RPS6KA6: variants seen among roughly 807,000 people sequenced by gnomAD.
The protein encoded by RPS6KA6 is ribosomal protein S6 kinase A6.
In RPS6KA6, 27 loss-of-function variants were observed where a neutral mutation model predicts 65.4. The ratio of observed to expected loss-of-function variants is 0.41; its 90% CI spans 0.30 to 0.57. The LOEUF is 0.57. Among genes scored for constraint, RPS6KA6 ranks in the 20% least tolerant of loss-of-function variants. The probability of loss-of-function intolerance (pLI) is 0.24; values close to 1 mark genes in which losing one functional copy is unlikely to be tolerated. For missense variants in RPS6KA6, 486 were observed against 555.6 expected, an observed-to-expected ratio of 0.87 and a Z score of 1.26; for synonymous variants, 190 against 184.2, an observed-to-expected ratio of 1.03 and a Z score of -0.26.
At chrX:84,161,102 C>T (rs1430436194) in intron 2 of RPS6KA6, among the ~76,000 whole-genome samples, 1 of 111,226 alleles carries the variant, frequency 9.0e-6, no homozygotes, top group African/African-American at 3.3e-5. Context: ...CACAAAACAT[C>T]CATAAAAATT....
In RPS6KA6 at chrX:84,164,354, C is replaced by G; in HGVS notation, c.115G>C (p.Glu39Gln). 1 of 1,198,924 alleles carries G rather than the reference C, an allele frequency of 8.3e-7. No homozygotes were observed. ...NGLKMVDEPM[E>Q]EGEADSCHDE... ...TGACAAGAATCTGCTTCTCCCTCTT[C>G]CATTGGCTCATCAACCATTTTAAGA... The change falls in exon 2 of 22, where the codon GAA (glutamate) becomes CAA (glutamine). Residue 39 changes from glutamate to glutamine, a missense_variant. Glu to Gln is a conservative substitution (Grantham distance 29). Coordinates refer to ENST00000262752, the MANE Select transcript of RPS6KA6 (RefSeq NM_014496.5).
chrX:84,185,463 C>T (rs1328833526), intron 1 of RPS6KA6, among the ~76,000 whole-genome samples: 2 of 111,643 alleles, frequency 1.8e-5, no homozygotes, highest in Non-Finnish European at 3.8e-5. Context: ...TATAAGTACC[C>T]TTAATAAGTT....
intron 4 of RPS6KA6, among the ~76,000 whole-genome samples, chrX:84,147,766 G>T (rs1048043473): frequency 1.8e-5 from 2 of 111,809 alleles, no homozygotes; most frequent in Non-Finnish European, 3.8e-5. Context: ...CAAGAATCTT[G>T]AAAGAAGAGA....
At chrX:84,164,093 T>C (rs1371102748) in intron 2 of RPS6KA6, among the ~76,000 whole-genome samples, 1 of 112,184 alleles carries the variant, frequency 8.9e-6, no homozygotes, top group Non-Finnish European at 1.9e-5. Context: ...GTGAATTCAA[T>C]AGCATGTAAA....
intron 9 of RPS6KA6, 45 bp downstream of exon 9, chrX:84,119,840 T>G (rs1034475503): frequency 9.7e-7 from 1 of 1,032,525 alleles, no homozygotes; most frequent in East Asian, 3.3e-5. Flanking sequence ...TTATAAGTAA[T>G]ATCAATCACA....
intron 6 of RPS6KA6, among the ~76,000 whole-genome samples, chrX:84,136,274 A>C (rs1165570649): frequency 9.0e-6 from 1 of 111,490 alleles, no homozygotes; most frequent in African/African-American, 3.2e-5. Context: ...AAGAAGGCTC[A>C]AAATTGCATA....
chrX:84,126,886 C>A (rs886377002), intron 8 of RPS6KA6, among the ~76,000 whole-genome samples: 1 of 108,308 alleles, frequency 9.2e-6, no homozygotes, highest in African/African-American at 3.3e-5. Context: ...GTGCTTACAT[C>A]AAAAAAAAAT....
intron 8 of RPS6KA6, among the ~76,000 whole-genome samples, chrX:84,127,939 T>G (rs2034826118): frequency 9.0e-6 from 1 of 111,574 alleles, no homozygotes; most frequent in Admixed American, 9.5e-5. Flanking sequence ...CTTTCACTAC[T>G]GTTAATCAAC....
intron 6 of RPS6KA6, among the ~76,000 whole-genome samples, chrX:84,136,918 G>A (rs1473584491): frequency 9.0e-5 from 10 of 111,597 alleles, no homozygotes; most frequent in Non-Finnish European, 1.9e-5. Flanking sequence ...CATGAACTCA[G>A]GGATACTTGT....
intron 8 of RPS6KA6, among the ~76,000 whole-genome samples, chrX:84,126,012 A>G (rs1172816652): frequency 9.0e-6 from 1 of 111,678 alleles, no homozygotes; most frequent in Non-Finnish European, 1.9e-5. Context: ...TTTATTAATA[A>G]TAACATTTTA....
At chrX:84,155,985 C>T (rs758792020) in intron 3 of RPS6KA6, 90 bp downstream of exon 3, 100 of 499,201 alleles carry the variant, frequency 2.0e-4, no homozygotes, top group Admixed American at 1.4e-3. Context: ...AGTTTAGAAA[C>T]GACTCATTAA....
intron 6 of RPS6KA6, among the ~76,000 whole-genome samples, chrX:84,140,221 T>C (rs756376282): frequency 1.8e-4 from 20 of 111,143 alleles, no homozygotes; most frequent in Middle Eastern, 9.2e-3. Context: ...TCATAATTCA[T>C]AGGACATCAG....
At chrX:84,075,911 A>T (rs928021536) in intron 20 of RPS6KA6, among the ~76,000 whole-genome samples, 1 of 112,320 alleles carries the variant, frequency 8.9e-6, no homozygotes, top group East Asian at 2.8e-4. Context: ...GTCAAAATAC[A>T]TGAAGCAAAA....
intron 2 of RPS6KA6, among the ~76,000 whole-genome samples, chrX:84,159,381 T>C (rs1336360446): frequency 9.0e-6 from 1 of 111,207 alleles, no homozygotes; most frequent in Admixed American, 9.6e-5. Context: ...AGCAGCAATC[T>C]AGCCTGAAAT....
intron 4 of RPS6KA6, among the ~76,000 whole-genome samples, chrX:84,147,537 G>C (rs1368976615): frequency 9.0e-6 from 1 of 111,251 alleles, no homozygotes; most frequent in East Asian, 2.8e-4. Context: ...GAACTCCTGG[G>C]CTGGGCTCAA....
At chrX:84,145,417 C>T (rs1256063225) in intron 6 of RPS6KA6, 61 bp downstream of exon 6, 61 of 726,449 alleles carry the variant, frequency 8.4e-5, no homozygotes, top group Non-Finnish European at 1.2e-4. Flanking sequence ...AGCAGAAGAA[C>T]AAAAGTGATT....
intron 6 of RPS6KA6, among the ~76,000 whole-genome samples, chrX:84,138,149 C>T (rs1825668502): frequency 8.9e-6 from 1 of 111,779 alleles, no homozygotes; most frequent in South Asian, 3.7e-4. Context: ...GTTTATTGAA[C>T]AACCTCTTTG....
chrX:84,145,073 T>C (rs1191895412), intron 6 of RPS6KA6, among the ~76,000 whole-genome samples: 3 of 111,220 alleles, frequency 2.7e-5, no homozygotes, highest in Non-Finnish European at 5.7e-5. Flanking sequence ...TTATTCTTAT[T>C]GTAATGATGG....
At chrX:84,105,263 A>G (rs1177926628) in intron 16 of RPS6KA6, among the ~76,000 whole-genome samples, 1 of 111,229 alleles carries the variant, frequency 9.0e-6, no homozygotes, top group Non-Finnish European at 1.9e-5. Context: ...GTGATAGTTG[A>G]CTTTTCTGTC....
Sources: allele counts gnomAD v4.1 joint callset (sites outside exome capture counted in the v4.1 genomes callset), GRCh38; gene constraint gnomAD v4.1.1; transcripts MANE v1.5; gene names NCBI Gene and HGNC (gene_info 2026-07-23, HGNC 2026-07-21).